The following JAM3 variants were observed in gnomAD, a reference collection of about 807,000 sequenced individuals.
JAM3 encodes the protein junctional adhesion molecule 3.
JAM3 carries 31 observed loss-of-function variants against 39.4 expected under a neutral mutation model. That is an observed-to-expected ratio of 0.79 (90% CI 0.59 to 1.06). The LOEUF (loss-of-function observed/expected upper bound fraction) is 1.06. Ranked by LOEUF, JAM3 falls within the 50% of genes least tolerant of loss-of-function variation. The pLI is 0.00. For synonymous variants in JAM3, 182 were observed against 148.7 expected (o/e 1.22, Z -1.63); for missense variants, 455 against 391.4 (o/e 1.16, Z -1.37).
chr11:134,074,767 GA>G, intron 1 of JAM3, among the ~76,000 whole-genome samples: 1 of 152,228 alleles, frequency 6.6e-6, no homozygotes, highest in Admixed American at 6.5e-5. Context: ...TCTTCCTCTT[GA>G]GTGATAAAAA....
Position 134,069,103 on chromosome 11 carries a change from C to G in JAM3, c.20C>G (p.Pro7Arg), listed in dbSNP as rs755144172. Residue 7 changes from proline to arginine, a missense_variant, in exon 1 of 9, where the codon CCG (proline) becomes CGG (arginine). Transcript: ENST00000299106. ...CTCGACATGGCGCTGAGGCGGCCACCGCGACTCCGGCTCTGCGCTCGGCTG... is the reference window on the plus strand; with the variant it reads ...CTCGACATGGCGCTGAGGCGGCCACGGCGACTCCGGCTCTGCGCTCGGCTG... Reference protein sequence around the residue: MALRRPPRLRLCARLPD... With the variant: MALRRPRRLRLCARLPD... 19 of 1,611,852 alleles carry G rather than the reference C, an allele frequency of 1.2e-5. No homozygotes were observed. Among genetic ancestry groups the G allele is most frequent in the African/African-American group, 5.4e-5 (4 of 74,726 alleles).
At chr11:134,116,960 A>G (rs1038177458) in intron 1 of JAM3, among the ~76,000 whole-genome samples, 5 of 152,060 alleles carry the variant, frequency 3.3e-5, no homozygotes, top group Admixed American at 2.0e-4. Context: ...ACGTATTTAT[A>G]GTTATTTGTT....
Position 134,146,044 on chromosome 11 carries a change from C to G in JAM3, c.711C>G (p.Val237=), listed in dbSNP as rs1269597143. The G allele has an allele frequency of 1.9e-6, 3 of 1,607,524 alleles. No homozygotes were observed. Among genetic ancestry groups the G allele is most frequent in the African/African-American group, 1.3e-5 (1 of 74,814 alleles). ...GGTGTGAGGAGCAGGAGATGGAAGT[C>G]TGTGAGTTTCTTTTTTGAAGAGGTT... is the stretch of plus-strand genomic sequence containing the variant. The part of the protein sequence containing the change: ...SARCEEQEME[V]YDLNIGGIIG... Residue 237 remains valine, a splice_region_variant and synonymous_variant, in exon 6 of 9, where the codon GTC becomes GTG. Transcript: ENST00000299106.
At chr11:134,082,863 A>C (rs992082670) in intron 1 of JAM3, among the ~76,000 whole-genome samples, 1 of 152,220 alleles carries the variant, frequency 6.6e-6, no homozygotes, top group Admixed American at 6.5e-5. Flanking sequence ...CAGGATCCCT[A>C]TAGAGGACAC....
chr11:134,124,392 A>C, intron 1 of JAM3: 2 of 623,342 alleles, frequency 3.2e-6, no homozygotes, highest in Non-Finnish European at 2.9e-6. Context: ...AAATCAATAA[A>C]TCAAAATGTT....
At position 134,150,110 on chromosome 11, in the gene JAM3, G is replaced by A. The variant is rs1389509945; in HGVS notation, c.*929G>A. 1 of 154,690 alleles carries A rather than the reference G, an allele frequency of 6.5e-6. No homozygotes were observed. Among genetic ancestry groups the A allele is most frequent in the African/African-American group, 2.4e-5 (1 of 41,436 alleles). 9.6% of individuals were successfully genotyped at this position (154,690 alleles called of 1,614,324 possible). On this transcript the variant is annotated 3_prime_UTR_variant, in exon 9 of 9. Coordinates refer to ENST00000299106, the MANE Select transcript of JAM3 (RefSeq NM_032801.5). ...AATAATTAAGAGTATTTTACCCAAG[G>A]AATCCTCTCATGGAAGTTTACTGTG...
intron 1 of JAM3, among the ~76,000 whole-genome samples, chr11:134,107,181 C>G (rs11223691): frequency 9.2e-5 from 14 of 151,902 alleles, no homozygotes; most frequent in Admixed American, 3.3e-4. Flanking sequence ...TGTCCTTTGT[C>G]GGGATATGGA....
intron 1 of JAM3, among the ~76,000 whole-genome samples, chr11:134,089,660 A>G (rs959551486): frequency 6.6e-6 from 1 of 152,184 alleles, no homozygotes; most frequent in Non-Finnish European, 1.5e-5. Flanking sequence ...ATGGCTGCAT[A>G]GTATTCCATG....
At chr11:134,145,847 G>A in intron 5 of JAM3, 99 bp from the exon 6 acceptor site, 1 of 805,526 alleles carries the variant, frequency 1.2e-6, no homozygotes, top group East Asian at 2.4e-5. Flanking sequence ...CTGAAAGCAA[G>A]CGAGCAGGTG....
At chr11:134,140,176 G>T (rs1942948584) in intron 2 of JAM3, among the ~76,000 whole-genome samples, 1 of 152,114 alleles carries the variant, frequency 6.6e-6, no homozygotes. Flanking sequence ...TTTTTGAGAT[G>T]GAGTCTCGCT....
chr11:134,110,630 A>G (rs1183967714), intron 1 of JAM3, among the ~76,000 whole-genome samples: 2 of 152,138 alleles, frequency 1.3e-5, no homozygotes, highest in Admixed American at 6.6e-5. Context: ...GCCTGGGGAC[A>G]GGGCAGATGG....
At chr11:134,105,202 C>T (rs1307638155) in intron 1 of JAM3, among the ~76,000 whole-genome samples, 12 of 152,228 alleles carry the variant, frequency 7.9e-5, no homozygotes, top group East Asian at 1.9e-4. Context: ...GTTCAACATA[C>T]GCAAATCAAT....
rs532935839 is a variant in JAM3 at position 134,095,526 on chromosome 11, G to C, written c.76+26367G>C. Among the ~76,000 whole-genome samples, 698 of 151,988 alleles carry C rather than the reference G, an allele frequency of 4.6e-3. 7 individuals are homozygous for C. Among genetic ancestry groups the C allele is most frequent in the African/African-American group, 0.016 (682 of 41,456 alleles). ...CATGCCTATAATCCCAACTATTCAG[G>C]AGGCTCAGGCAGGAGAATCACTTGA... On this transcript the variant is annotated intron_variant, in intron 1 of 8. Coordinates refer to ENST00000299106, the MANE Select transcript of JAM3 (RefSeq NM_032801.5).
intron 1 of JAM3, among the ~76,000 whole-genome samples, chr11:134,130,536 T>TA (rs1036802304): frequency 3.5e-4 from 53 of 152,110 alleles, no homozygotes; most frequent in African/African-American, 1.2e-3. Context: ...GCAGAAAAAT[T>TA]AAAAAATCAC....
chr11:134,124,106 A>T, intron 1 of JAM3: 9 of 1,485,390 alleles, frequency 6.1e-6, no homozygotes, highest in Non-Finnish European at 8.4e-6. Flanking sequence ...CTATCTGATT[A>T]GGGGGTGGAG....
intron 1 of JAM3, among the ~76,000 whole-genome samples, chr11:134,117,424 G>A (rs1425072472): frequency 6.6e-6 from 1 of 152,102 alleles, no homozygotes; most frequent in Non-Finnish European, 1.5e-5. Flanking sequence ...AAGTAAAGCT[G>A]TCTTGATGTC....
intron 3 of JAM3, among the ~76,000 whole-genome samples, chr11:134,141,879 T>A (rs1591806626): frequency 6.6e-6 from 1 of 151,278 alleles, no homozygotes; most frequent in African/African-American, 2.4e-5. Context: ...GCCTGTGGAG[T>A]TCTCAGAGAA....
chr11:134,148,155 A>AG (rs1943113310), intron 6 of JAM3: 1 of 260,662 alleles, frequency 3.8e-6, no homozygotes, highest in Admixed American at 5.1e-5. Flanking sequence ...TCTGCAACAA[A>AG]GGGAGGCCCT....
At chr11:134,092,175 T>C (rs1941873394) in intron 1 of JAM3, among the ~76,000 whole-genome samples, 1 of 152,122 alleles carries the variant, frequency 6.6e-6, no homozygotes, top group Non-Finnish European at 1.5e-5. Context: ...GTAGTTCTGC[T>C]CCCTTGGCTC....
Sources: allele counts gnomAD v4.1 joint callset (sites outside exome capture counted in the v4.1 genomes callset), GRCh38; gene constraint gnomAD v4.1.1; transcripts MANE v1.5; gene names NCBI Gene and HGNC (gene_info 2026-07-23, HGNC 2026-07-21).